Variants in ATXN10 observed in about 807,000 individuals in gnomAD.
ATXN10 encodes the protein ataxin 10.
In ATXN10, 28 loss-of-function variants were observed where a neutral mutation model predicts 52.9. That is an observed-to-expected ratio of 0.53 (90% CI 0.39 to 0.73). The LOEUF (loss-of-function observed/expected upper bound fraction) is 0.73, where lower values mean the gene tolerates loss of function less well. Among genes scored for constraint, ATXN10 ranks in the 30% least tolerant of loss-of-function variants. ATXN10 has a pLI of 0.00. For missense variants in ATXN10, 565 were observed against 577.0 expected, an observed-to-expected ratio of 0.98 and a Z score of 0.21; for synonymous variants, 226 against 221.5, an observed-to-expected ratio of 1.02 and a Z score of -0.18.
At chr22:45,801,608 C>G (rs1300721021) in intron 9 of ATXN10, among the ~76,000 whole-genome samples, 4 of 152,044 alleles carry the variant, frequency 2.6e-5, no homozygotes, top group Non-Finnish European at 5.9e-5. Flanking sequence ...AGACATACAC[C>G]CAGTTAATGA....
chr22:45,766,910 C>T lies in ATXN10; in HGVS notation c.1173+26372C>T, dbSNP rs186000327. Among the ~76,000 whole-genome samples the T allele has an allele frequency of 1.8e-4, 28 of 152,214 alleles. No individual in the cohort carries two copies. The East Asian group carries it at 4.6e-3, about 25-fold the overall frequency. ...AGGTGAAACAGTGCTCAACTTTGCT[C>T]ATAAAAAGAAAAATGCACATTAAAC... On this transcript the variant is annotated intron_variant, in intron 9 of 11. Coordinates refer to ENST00000252934, the MANE Select transcript of ATXN10 (RefSeq NM_013236.4). The surrounding 1 kb of genome is among the most constrained non-coding windows in gnomAD (Gnocchi z 4.6).
Position 45,718,277 on chromosome 22 carries a change from A to G in ATXN10, c.648-136A>G, listed in dbSNP as rs2146774044. On this transcript the variant is annotated intron_variant, in intron 5 of 11. Transcript: ENST00000252934. The surrounding 1 kb of genome is among the most constrained non-coding windows in gnomAD (Gnocchi z 4.4). ...TAATAGTATGTGAACCTTTTAAGAC[A>G]TTTAAGATTACAGCAAATCAAAAAT... The G allele has an allele frequency of 2.6e-6, 2 of 771,878 alleles. No individual in the cohort carries two copies. Among genetic ancestry groups the G allele is most frequent in the South Asian group, 1.4e-5 (1 of 69,360 alleles). 47.8% of individuals were successfully genotyped at this position (771,878 alleles called of 1,614,324 possible).
chr22:45,807,741 A>G (rs1027749105), intron 10 of ATXN10, among the ~76,000 whole-genome samples: 17 of 152,188 alleles, frequency 1.1e-4, no homozygotes, highest in Non-Finnish European at 1.9e-4. Flanking sequence ...TAATTTCACG[A>G]ACTTCCCTGG....
At chr22:45,740,267 T>C in intron 8 of ATXN10, 102 bp from the exon 9 acceptor site, 1 of 1,125,010 alleles carries the variant, frequency 8.9e-7, no homozygotes, top group South Asian at 1.3e-5. Flanking sequence ...GCTCTACCTT[T>C]AGCCTATTAC....
rs922202255 is a variant in ATXN10 at position 45,754,679 on chromosome 22, C to T, written c.1173+14141C>T. Reference sequence around the variant, plus strand: ...ACCAGTCTGACCAACATGGTGAAACCCCGACTCTACTAAAAATACAAAAAA... The same window carrying T: ...ACCAGTCTGACCAACATGGTGAAACTCCGACTCTACTAAAAATACAAAAAA... On this transcript the variant is annotated intron_variant, in intron 9 of 11. Coordinates refer to ENST00000252934, the MANE Select transcript of ATXN10 (RefSeq NM_013236.4). This position sits in a 1 kb window ranked among gnomAD's most constrained non-coding sequence, Gnocchi z 5.4. Among the ~76,000 whole-genome samples the T allele has an allele frequency of 6.6e-6, 1 of 152,094 alleles. No homozygotes were observed. Among genetic ancestry groups the T allele is most frequent in the Admixed American group, 6.6e-5 (1 of 15,264 alleles).
chr22:45,812,325 A>T (rs1928308260), intron 10 of ATXN10, among the ~76,000 whole-genome samples: 1 of 152,204 alleles, frequency 6.6e-6, no homozygotes, highest in African/African-American at 2.4e-5. Context: ...CCTCAATATA[A>T]ATATACCATT....
Position 45,794,849 on chromosome 22 carries a change from A to G in ATXN10, c.1174-12110A>G, listed in dbSNP as rs558592836. Among the ~76,000 whole-genome samples the G allele has an allele frequency of 3.9e-5, 6 of 152,352 alleles. No homozygotes were observed. In the South Asian group the frequency reaches 1.0e-3, roughly 26 times the overall value. On this transcript the variant is annotated intron_variant, in intron 9 of 11. Coordinates refer to ENST00000252934, the MANE Select transcript of ATXN10 (RefSeq NM_013236.4). ...GGAAACCTGACCTATACAAATATAT[A>G]CAAAGGATCAGAATCCCTGGAAAAG... is the stretch of plus-strand genomic sequence containing the variant.
rs1929142228 is a variant in ATXN10, at chr22:45,835,649, C to T, written c.1238-7342C>T. 1.3e-5 allele frequency among the ~76,000 whole-genome samples: 2 copies of T among 152,222 alleles called. No individual in the cohort carries two copies. The highest frequency in any genetic ancestry group is 2.4e-5 in the African/African-American group (1 of 41,462). On this transcript the variant is annotated intron_variant, in intron 10 of 11. Transcript: ENST00000252934. This position sits in a 1 kb window ranked among gnomAD's most constrained non-coding sequence, Gnocchi z 5.0. ...TTTTATGGGGCCTATGTACCACTTC[C>T]CTTACGGCCTAGAAGCCGATTAGCA...
rs1923046507 is a variant in ATXN10 at position 45,684,277 on chromosome 22, A to C, written c.117-5435A>C. Reference sequence around the variant, plus strand: ...CGCCTTAGTTCCTTTCATTTAGCACAGTGCGTTTGTTCTGATGAAAGATGA... The same window carrying C: ...CGCCTTAGTTCCTTTCATTTAGCACCGTGCGTTTGTTCTGATGAAAGATGA... On this transcript the variant is annotated intron_variant, in intron 1 of 11. Coordinates refer to ENST00000252934, the MANE Select transcript of ATXN10 (RefSeq NM_013236.4). The surrounding 1 kb of genome is among the most constrained non-coding windows in gnomAD (Gnocchi z 4.1). Among the ~76,000 whole-genome samples, 1 of 152,024 alleles carries C rather than the reference A, an allele frequency of 6.6e-6. No individual in the cohort carries two copies. The highest frequency in any genetic ancestry group is 1.5e-5 in the Non-Finnish European group (1 of 68,000).
At position 45,774,706 on chromosome 22, in the gene ATXN10, G is replaced by A. The variant is rs1926891891; in HGVS notation, c.1174-32253G>A. On this transcript the variant is annotated intron_variant, in intron 9 of 11. Transcript: ENST00000252934. The surrounding 1 kb of genome is among the most constrained non-coding windows in gnomAD (Gnocchi z 6.2). The stretch of plus-strand genomic sequence containing the variant: ...CTAGCACTTTGGGAGGCTGAGGTGA[G>A]CGGATCACTTGAGGCCAGGAGTTTG... Among the ~76,000 whole-genome samples, 1 of 152,226 alleles carries A rather than the reference G, an allele frequency of 6.6e-6. No homozygotes were observed. Among genetic ancestry groups the A allele is most frequent in the East Asian group, 1.9e-4 (1 of 5,182 alleles).
chr22:45,842,578 A>C lies in ATXN10; in HGVS notation c.1238-413A>C, dbSNP rs928812086. On this transcript the variant is annotated intron_variant, in intron 10 of 11. Transcript: ENST00000252934. This position sits in a 1 kb window ranked among gnomAD's most constrained non-coding sequence, Gnocchi z 4.8. ...TGACTGATTCTTTAGTGCTCTTCTT[A>C]TTCTTTCCCTAGTGAGTCAGTAACA... is the stretch of plus-strand genomic sequence containing the variant. Among the ~76,000 whole-genome samples the C allele has an allele frequency of 2.6e-5, 4 of 152,218 alleles. No homozygotes were observed. The East Asian group carries it at 5.8e-4, about 22-fold the overall frequency.
In ATXN10 at chr22:45,697,710, G is replaced by A. The variant is rs577610544; in HGVS notation, c.392-2572G>A. 3.9e-5 allele frequency among the ~76,000 whole-genome samples: 6 copies of A among 152,160 alleles called. No homozygotes were observed. The South Asian group carries it at 6.2e-4, about 16-fold the overall frequency. ...AGTGGGGCGATCTCGGCTCACTGCA[G>A]GCTCCGCCCCCTGGGGTTCACGCCA... On this transcript the variant is annotated intron_variant, in intron 3 of 11. Transcript: ENST00000252934.
chr22:45,811,750 G>A, intron 10 of ATXN10: 1 of 471,150 alleles, frequency 2.1e-6, no homozygotes, highest in Non-Finnish European at 4.4e-6. Context: ...CTTCGGCAGT[G>A]ACTTCCTAAC....
At chr22:45,832,875 G>A (rs976113732) in intron 10 of ATXN10, among the ~76,000 whole-genome samples, 1 of 152,188 alleles carries the variant, frequency 6.6e-6, no homozygotes, top group East Asian at 1.9e-4. Context: ...AGAGAGATAC[G>A]CGTCAAGGGA....
In ATXN10 at chr22:45,771,389, A is replaced by G. The variant is rs190834291; in HGVS notation, c.1173+30851A>G. Among the ~76,000 whole-genome samples, 28 of 142,064 alleles carry G rather than the reference A, an allele frequency of 2.0e-4. No homozygotes were observed. The East Asian group carries it at 5.7e-3, about 29-fold the overall frequency. The allele number at this position is 142,064 out of a possible 152,430, so 93.2% of individuals were successfully genotyped here. ...CTAATGATGTTGGACGTTTTTTCAT[A>G]TGTTTAATTTGCCATGCTTGAGTCT... On this transcript the variant is annotated intron_variant, in intron 9 of 11. Coordinates refer to ENST00000252934, the MANE Select transcript of ATXN10 (RefSeq NM_013236.4).
chr22:45,813,001 C>G (rs1439136181), intron 10 of ATXN10, among the ~76,000 whole-genome samples: 1 of 152,170 alleles, frequency 6.6e-6, no homozygotes, highest in Non-Finnish European at 1.5e-5. Flanking sequence ...CAGGGATTTC[C>G]AAATCCAGGG....
chr22:45,714,693 T>C (rs1924381051), intron 5 of ATXN10, among the ~76,000 whole-genome samples: 1 of 152,226 alleles, frequency 6.6e-6, no homozygotes, highest in Non-Finnish European at 1.5e-5. Context: ...TATGATACTT[T>C]TTTATGTAAA....
Position 45,833,195 on chromosome 22 carries a change from C to T in ATXN10, c.1238-9796C>T, listed in dbSNP as rs779986906. Among the ~76,000 whole-genome samples, 12 of 152,236 alleles carry T rather than the reference C, an allele frequency of 7.9e-5. No individual in the cohort carries two copies. Among genetic ancestry groups the T allele is most frequent in the South Asian group, 2.1e-4 (1 of 4,832 alleles). ...GCAGCATCATAGAGTCCTTGGGAAG[C>T]GCACGCATCTGGTATCTGTCCCTGT... On this transcript the variant is annotated intron_variant, in intron 10 of 11. Transcript: ENST00000252934. This position sits in a 1 kb window ranked among gnomAD's most constrained non-coding sequence, Gnocchi z 4.3.
chr22:45,751,851 T>G (rs967586910), intron 9 of ATXN10, among the ~76,000 whole-genome samples: 4 of 149,382 alleles, frequency 2.7e-5, no homozygotes, highest in East Asian at 3.9e-4. Context: ...TAGTTTTTTT[T>G]TTTTTTTTTT....
Sources: allele counts gnomAD v4.1 joint callset (sites outside exome capture counted in the v4.1 genomes callset), GRCh38; gene constraint gnomAD v4.1.1; non-coding constraint Gnocchi (gnomAD v3.1); transcripts MANE v1.5; gene names NCBI Gene and HGNC (gene_info 2026-07-23, HGNC 2026-07-21).